Variants in PPP3CB observed in about 807,000 individuals in gnomAD.
The protein encoded by PPP3CB is serine/threonine-protein phosphatase 2B catalytic subunit beta isoform.
In PPP3CB, 8 loss-of-function variants were observed where a neutral mutation model predicts 66.4. The ratio of observed to expected loss-of-function variants is 0.12; its 90% CI spans 0.07 to 0.22. The LOEUF (loss-of-function observed/expected upper bound fraction) is 0.22. Ranked by LOEUF, PPP3CB falls within the 10% of genes least tolerant of loss-of-function variation. The pLI, the probability that PPP3CB is intolerant of heterozygous loss-of-function variation, is 1.00. For missense variants in PPP3CB, 319 were observed against 642.5 expected (o/e 0.50, Z 5.44); for synonymous variants, 208 against 221.2 (o/e 0.94, Z 0.53).
intron 1 of PPP3CB, among the ~76,000 whole-genome samples, chr10:73,480,629 G>C (rs2056860308): frequency 6.6e-6 from 1 of 152,004 alleles, no homozygotes; most frequent in African/African-American, 2.4e-5. Context: ...ATTTTTAGTA[G>C]AGACCGGGTT....
At chr10:73,488,157 T>C (rs77174945) in intron 1 of PPP3CB, among the ~76,000 whole-genome samples, 6,784 of 152,156 alleles carry the variant, frequency 0.045, 458 homozygotes, top group African/African-American at 0.15. Flanking sequence ...AGTAGAGCCA[T>C]AGTTGAAATT....
At chr10:73,472,430 G>C (rs546268888) in intron 4 of PPP3CB, among the ~76,000 whole-genome samples, 1 of 151,786 alleles carries the variant, frequency 6.6e-6, no homozygotes, top group South Asian at 2.1e-4. Flanking sequence ...GGAGGTGGAG[G>C]CTGCAGTGGG....
chr10:73,445,780 A>C (rs1589684304), intron 11 of PPP3CB, among the ~76,000 whole-genome samples: 3 of 130,062 alleles, frequency 2.3e-5, no homozygotes, highest in African/African-American at 8.9e-5. Flanking sequence ...ACAGAGTCTC[A>C]CTCTGTCACC....
intron 1 of PPP3CB, among the ~76,000 whole-genome samples, chr10:73,485,908 TTGTGTGTGTGTGTGTGTG>T (rs57190155): frequency 1.5e-4 from 18 of 121,288 alleles, no homozygotes; most frequent in South Asian, 9.4e-4. Context: ...ACCTGGCTAA[TTGTGTGTGTGTGTGTGTG>T]TGTGTGTGTG....
At chr10:73,491,561 T>C (rs7917183) in intron 1 of PPP3CB, among the ~76,000 whole-genome samples, 6,619 of 152,268 alleles carry the variant, frequency 0.043, 443 homozygotes, top group African/African-American at 0.14. Flanking sequence ...GTCCACAAAA[T>C]AGACTTTGTA....
chr10:73,475,516 C>A (rs1244233495), intron 3 of PPP3CB, among the ~76,000 whole-genome samples: 7 of 152,128 alleles, frequency 4.6e-5, no homozygotes, highest in Non-Finnish European at 8.8e-5. Context: ...TCTCAAGTAA[C>A]TTGTCCAAAA....
At chr10:73,449,864 C>T (rs549299294) in intron 10 of PPP3CB, among the ~76,000 whole-genome samples, 62 of 151,870 alleles carry the variant, frequency 4.1e-4, no homozygotes, top group African/African-American at 1.5e-3. Flanking sequence ...GGGGTGATCT[C>T]GGCTCACTGC....
intron 1 of PPP3CB, among the ~76,000 whole-genome samples, chr10:73,489,614 GTTA>G (rs1398079786): frequency 3.9e-5 from 6 of 152,094 alleles, no homozygotes; most frequent in Admixed American, 3.3e-4. Flanking sequence ...TGGCAAGAAG[GTTA>G]TTAAGTAGTA....
At chr10:73,443,330 A>AAGAG (rs1458015567) in intron 12 of PPP3CB, among the ~76,000 whole-genome samples, 8 of 138,008 alleles carry the variant, frequency 5.8e-5, no homozygotes, top group Admixed American at 2.9e-4. Flanking sequence ...GAAAGAAAGA[A>AAGAG]AAAGAAAGAG....
chr10:73,456,281 G>A (rs923613234), intron 9 of PPP3CB, among the ~76,000 whole-genome samples: 3 of 152,170 alleles, frequency 2.0e-5, no homozygotes, highest in Admixed American at 6.5e-5. Context: ...ACTACTGAAG[G>A]AGACATTAAA....
At chr10:73,463,173 C>T (rs1554823599) in intron 9 of PPP3CB, among the ~76,000 whole-genome samples, 10 of 152,108 alleles carry the variant, frequency 6.6e-5, no homozygotes, top group Non-Finnish European at 1.5e-4. Context: ...TTAAGTCTCA[C>T]TGATTCTACT....
chr10:73,477,022 G>A (rs2056801281), intron 3 of PPP3CB: 2 of 389,292 alleles, frequency 5.1e-6, no homozygotes, highest in South Asian at 2.0e-5. Context: ...ATCTACTAGG[G>A]AAGGTGGTTA....
At chr10:73,473,411 T>C (rs951964767) in intron 4 of PPP3CB, among the ~76,000 whole-genome samples, 4 of 152,164 alleles carry the variant, frequency 2.6e-5, no homozygotes, top group Non-Finnish European at 5.9e-5. Context: ...CCCAGCACTT[T>C]GGGAGGACGA....
intron 1 of PPP3CB, chr10:73,495,581 A>C: frequency 6.5e-6 from 3 of 463,120 alleles, no homozygotes; most frequent in East Asian, 5.8e-5. Flanking sequence ...AAGCCACGGA[A>C]GCAAAACCTC....
intron 10 of PPP3CB, among the ~76,000 whole-genome samples, chr10:73,447,524 A>G (rs1381264172): frequency 6.6e-6 from 1 of 152,198 alleles, no homozygotes; most frequent in Non-Finnish European, 1.5e-5. Flanking sequence ...TGGAAGCACC[A>G]TGGTTGAGGA....
intron 4 of PPP3CB, 50 bp downstream of exon 4, chr10:73,474,869 G>A: frequency 6.2e-7 from 1 of 1,600,692 alleles, no homozygotes; most frequent in Non-Finnish European, 8.5e-7. Context: ...ACCCACTTAA[G>A]TCCAAAAGAA....
intron 1 of PPP3CB, among the ~76,000 whole-genome samples, chr10:73,482,538 G>C (rs1391102370): frequency 1.4e-5 from 1 of 73,850 alleles, no homozygotes; most frequent in Non-Finnish European, 2.2e-5. Flanking sequence ...GCGAGACTCC[G>C]TCTCAAAAAA....
chr10:73,447,762 T>A (rs892251810), intron 10 of PPP3CB, among the ~76,000 whole-genome samples: 1 of 151,818 alleles, frequency 6.6e-6, no homozygotes, highest in Non-Finnish European at 1.5e-5. Context: ...GGGAAAAAAA[T>A]AGGCTCCATG....
Position 73,491,763 on chromosome 10 carries a change from A to T in PPP3CB, c.85+4042T>A, listed in dbSNP as rs1329125540. ...TGGGTGGATCACCTGAGGTCAGGAGATCGAGACCAGCCTGACCAACATGGA... is the reference window on the plus strand; with the variant it reads ...TGGGTGGATCACCTGAGGTCAGGAGTTCGAGACCAGCCTGACCAACATGGA... On this transcript the variant is annotated intron_variant, in intron 1 of 13. Transcript: ENST00000360663. Among the ~76,000 whole-genome samples, 3 of 152,012 alleles carry T rather than the reference A, an allele frequency of 2.0e-5. No homozygotes were observed. In the East Asian group the frequency reaches 5.9e-4, roughly 30 times the overall value.
Sources: allele counts gnomAD v4.1 joint callset (sites outside exome capture counted in the v4.1 genomes callset), GRCh38; gene constraint gnomAD v4.1.1; transcripts MANE v1.5; gene names NCBI Gene and HGNC (gene_info 2026-07-23, HGNC 2026-07-21).